Variants in OTOGL observed in about 807,000 individuals in gnomAD.
OTOGL encodes otogelin like, also known as otogelin-like protein.
Under a neutral mutation model 318.5 loss-of-function variants are expected in OTOGL, and 285 were observed. The ratio of observed to expected loss-of-function variants is 0.89; its 90% CI spans 0.81 to 0.99. OTOGL has a LOEUF of 0.99. Among genes scored for constraint, OTOGL ranks in the 50% least tolerant of loss-of-function variants. OTOGL has a pLI of 0.00. For missense variants in OTOGL, 2,899 were observed against 2,845.6 expected, an observed-to-expected ratio of 1.02 and a Z score of -0.43; for synonymous variants, 987 against 936.5, an observed-to-expected ratio of 1.05 and a Z score of -0.99.
intron 26 of OTOGL, among the ~76,000 whole-genome samples, chr12:80,283,756 A>AT (rs1884406226): frequency 6.6e-6 from 1 of 152,066 alleles, no homozygotes; most frequent in African/African-American, 2.4e-5. Flanking sequence ...AAGTTTTTAG[A>AT]GCAGCACTTC....
At position 80,108,765 on chromosome 12, in the gene OTOGL, A is replaced by G. The variant is rs372139035; in HGVS notation, c.-20+9160A>G. Among the ~76,000 whole-genome samples the G allele has an allele frequency of 9.4e-3, 1,067 of 112,920 alleles. 8 individuals carry two copies. Among genetic ancestry groups the G allele is most frequent in the Non-Finnish European group, 0.015 (814 of 54,426 alleles). The allele number at this position is 112,920 out of a possible 152,430, so 74.1% of individuals were successfully genotyped here. A position where few individuals can be genotyped will look rare whatever the true frequency, so the allele number is the denominator to read the frequency against. ...CATGTATTTAAAAAAATATATATAT[A>G]TACACGTATATATATATATATGTAT... On this transcript the variant is annotated intron_variant, in intron 1 of 58. Transcript: ENST00000547103.
intron 42 of OTOGL, among the ~76,000 whole-genome samples, chr12:80,338,151 C>T (rs140273436): frequency 1.8e-4 from 27 of 152,090 alleles, no homozygotes; most frequent in African/African-American, 6.3e-4. Flanking sequence ...GCATGATTTG[C>T]ATAATGTAAT....
chr12:80,315,655 A>G (rs1393029772), intron 32 of OTOGL, among the ~76,000 whole-genome samples: 2 of 152,216 alleles, frequency 1.3e-5, no homozygotes, highest in Non-Finnish European at 2.9e-5. Flanking sequence ...GAGGCACTTC[A>G]GGTGGCTTGT....
At chr12:80,336,343 T>G (rs1007704051) in intron 39 of OTOGL, 70 bp from the exon 40 acceptor site, 35 of 1,437,828 alleles carry the variant, frequency 2.4e-5, no homozygotes, top group East Asian at 7.2e-5. Flanking sequence ...ACAGATTTTT[T>G]TAAAAGAGCA....
chr12:80,239,395 C>A lies in OTOGL; in HGVS notation c.1008C>A (p.Ile336=). 6.2e-7 allele frequency: 1 copy of A among 1,609,434 alleles called. No homozygotes were observed. The highest frequency in any genetic ancestry group is 8.5e-7 in the Non-Finnish European group (1 of 1,177,150). Residue 336 remains isoleucine (I), a synonymous_variant, in exon 11 of 59, where the codon ATC becomes ATA. Transcript: ENST00000547103. ...CTTTTCTGAGCTGCCATGAGTATAT[C>A]GATCCATACTTATATATTGCCAGCT... ...QFPFLSCHEY[I]DPYLYIASCV...
chr12:80,151,335 C>T (rs1872769189), intron 1 of OTOGL, among the ~76,000 whole-genome samples: 1 of 152,146 alleles, frequency 6.6e-6, no homozygotes. Flanking sequence ...GCCGCAGAGT[C>T]ACAGCTCAAA....
intron 44 of OTOGL, among the ~76,000 whole-genome samples, chr12:80,346,912 A>G (rs1350178557): frequency 6.6e-6 from 1 of 152,210 alleles, no homozygotes; most frequent in African/African-American, 2.4e-5. Flanking sequence ...ATATCGAGAT[A>G]AAGAAATTCT....
intron 44 of OTOGL, among the ~76,000 whole-genome samples, chr12:80,345,003 T>G (rs1321263346): frequency 2.1e-5 from 3 of 141,688 alleles, no homozygotes; most frequent in Admixed American, 7.5e-5. Flanking sequence ...TTATATTTTA[T>G]ATATTATTAT....
intron 45 of OTOGL, among the ~76,000 whole-genome samples, 167 bp downstream of exon 45, chr12:80,352,603 C>A (rs1163387505): frequency 1.3e-5 from 2 of 152,142 alleles, no homozygotes; most frequent in African/African-American, 4.8e-5. Flanking sequence ...AGAAATAAAA[C>A]AGTCACACAT....
At chr12:80,371,525 T>TTAG (rs1455649384) in intron 56 of OTOGL, among the ~76,000 whole-genome samples, 1 of 152,110 alleles carries the variant, frequency 6.6e-6, no homozygotes, top group Non-Finnish European at 1.5e-5. Flanking sequence ...GCTAAAGCAA[T>TTAG]TAGTAATTCT....
At chr12:80,155,621 A>G (rs1056779773) in intron 1 of OTOGL, among the ~76,000 whole-genome samples, 1 of 152,240 alleles carries the variant, frequency 6.6e-6, no homozygotes, top group African/African-American at 2.4e-5. Flanking sequence ...GTTACAAACA[A>G]TCTAATTATA....
At chr12:80,314,499 T>C (rs1565977786) in intron 32 of OTOGL, among the ~76,000 whole-genome samples, 168 bp downstream of exon 32, 1 of 152,088 alleles carries the variant, frequency 6.6e-6, no homozygotes, top group Non-Finnish European at 1.5e-5. Flanking sequence ...TCTCAGTATT[T>C]GTGTTAAGAT....
intron 32 of OTOGL, among the ~76,000 whole-genome samples, chr12:80,317,864 C>T (rs1719382715): frequency 6.6e-6 from 1 of 152,150 alleles, no homozygotes; most frequent in Admixed American, 6.6e-5. Flanking sequence ...CTCAGCTCCA[C>T]CTTGATGTGG....
chr12:80,323,554 C>T (rs1410885787), intron 34 of OTOGL, among the ~76,000 whole-genome samples, 169 bp from the exon 35 acceptor site: 1 of 152,142 alleles, frequency 6.6e-6, no homozygotes, highest in Non-Finnish European at 1.5e-5. Context: ...GAGGCTGAGG[C>T]ACGACAGTCA....
At chr12:80,373,367 G>T (rs1162464370) in intron 57 of OTOGL, among the ~76,000 whole-genome samples, 1 of 152,076 alleles carries the variant, frequency 6.6e-6, no homozygotes, top group Non-Finnish European at 1.5e-5. Context: ...GAGAGGCGGA[G>T]GTTACAGTGA....
intron 57 of OTOGL, among the ~76,000 whole-genome samples, chr12:80,372,690 A>AT (rs112869179): frequency 0.23 from 33,819 of 148,810 alleles, 6,015 homozygotes; most frequent in African/African-American, 0.5. Context: ...TTTCATAGTA[A>AT]TTGTTTTTTT....
chr12:80,185,215 C>T (rs1039753142), intron 1 of OTOGL, among the ~76,000 whole-genome samples: 4 of 152,220 alleles, frequency 2.6e-5, no homozygotes, highest in African/African-American at 9.6e-5. Flanking sequence ...AGGAAGTAGG[C>T]ATAGTGGTTA....
At chr12:80,185,772 G>A (rs1875246663) in intron 1 of OTOGL, among the ~76,000 whole-genome samples, 1 of 152,090 alleles carries the variant, frequency 6.6e-6, no homozygotes, top group Non-Finnish European at 1.5e-5. Flanking sequence ...TTTACACATG[G>A]GTCCTATGTG....
intron 29 of OTOGL, among the ~76,000 whole-genome samples, chr12:80,306,784 T>TAAAA (rs796182806): frequency 8.2e-6 from 1 of 121,846 alleles, no homozygotes; most frequent in African/African-American, 2.8e-5. Context: ...TTTTTTTTTT[T>TAAAA]AAATTTTATT....
Sources: gnomAD v4.1 joint callset for allele counts (sites outside exome capture counted in the v4.1 genomes callset) on GRCh38, gnomAD v4.1.1 for gene constraint, MANE v1.5 for transcripts, NCBI Gene and HGNC (gene_info 2026-07-23, HGNC 2026-07-21) for gene names.